RLF: variants seen among roughly 807,000 people sequenced by gnomAD.
The protein encoded by RLF is zinc finger protein Rlf.
A neutral mutation model predicts 162.9 loss-of-function variants in RLF; 7 were observed. The ratio of observed to expected loss-of-function variants is 0.04; its 90% CI spans 0.02 to 0.08. The LOEUF is 0.08. RLF is among the 10% of genes least tolerant of loss of function. The probability of loss-of-function intolerance (pLI) is 1.00; values close to 1 mark genes in which losing one functional copy is unlikely to be tolerated. For missense variants in RLF, 1,664 were observed against 2,244.7 expected (o/e 0.74, Z 5.23); for synonymous variants, 782 against 791.5 (o/e 0.99, Z 0.20).
At chr1:40,195,808 C>T (rs61780457) in intron 4 of RLF, 44 bp downstream of exon 4, 7 of 1,559,004 alleles carry the variant, frequency 4.5e-6, no homozygotes, top group Non-Finnish European at 6.1e-6. Flanking sequence ...GTTCTGAGAA[C>T]GTTGGAATTG....
intron 3 of RLF, among the ~76,000 whole-genome samples, chr1:40,191,531 C>T (rs1642556979): frequency 1.3e-5 from 2 of 149,410 alleles, no homozygotes; most frequent in Non-Finnish European, 3.0e-5. Flanking sequence ...GAGTGAGACT[C>T]TGTCTCGGAA....
intron 1 of RLF, among the ~76,000 whole-genome samples, chr1:40,166,580 A>G (rs1001500057): frequency 6.6e-6 from 1 of 152,064 alleles, no homozygotes; most frequent in African/African-American, 2.4e-5. Context: ...CACTATTCAC[A>G]ATAGCAAAGA....
chr1:40,172,832 C>T (rs1404269062), intron 1 of RLF, among the ~76,000 whole-genome samples: 1 of 152,076 alleles, frequency 6.6e-6, no homozygotes, highest in Non-Finnish European at 1.5e-5. Flanking sequence ...GTACTCTATC[C>T]TGGGCAACAG....
chr1:40,202,943 AT>A (rs1221830350), intron 5 of RLF, among the ~76,000 whole-genome samples: 2 of 152,032 alleles, frequency 1.3e-5, no homozygotes, highest in Admixed American at 1.3e-4. Flanking sequence ...GAAGTTGTTA[AT>A]CATGGCATCA....
At chr1:40,214,816 A>G (rs79346249) in intron 5 of RLF, among the ~76,000 whole-genome samples, 1 of 146,216 alleles carries the variant, frequency 6.8e-6, no homozygotes, top group Non-Finnish European at 1.5e-5. Flanking sequence ...CCAGCTATTC[A>G]TGAGACTGAG....
chr1:40,198,034 G>A (rs973554849), intron 4 of RLF, among the ~76,000 whole-genome samples: 4 of 151,782 alleles, frequency 2.6e-5, no homozygotes, highest in Non-Finnish European at 4.4e-5. Context: ...ATGGAGTTTC[G>A]CTCTTATTAC....
At chr1:40,186,628 T>C (rs1260147370) in intron 1 of RLF, among the ~76,000 whole-genome samples, 1 of 152,210 alleles carries the variant, frequency 6.6e-6, no homozygotes, top group East Asian at 1.9e-4. Flanking sequence ...TAGTTAGCAG[T>C]TGGTTAATTT....
intron 5 of RLF, among the ~76,000 whole-genome samples, chr1:40,215,301 A>T (rs963797279): frequency 4.6e-5 from 7 of 152,214 alleles, no homozygotes; most frequent in Admixed American, 1.3e-4. Flanking sequence ...AGACATCTAT[A>T]GACTACTCCA....
intron 5 of RLF, among the ~76,000 whole-genome samples, chr1:40,205,588 C>T (rs1307363564): frequency 2.0e-5 from 3 of 147,494 alleles, no homozygotes; most frequent in Non-Finnish European, 4.4e-5. Context: ...CTCCCAGGTT[C>T]ACGCCATTCT....
intron 1 of RLF, among the ~76,000 whole-genome samples, chr1:40,176,088 A>G (rs1187081909): frequency 3.3e-5 from 5 of 152,174 alleles, no homozygotes; most frequent in Admixed American, 3.3e-4. Flanking sequence ...TCAGTAGTTT[A>G]TTTTATTGAT....
At chr1:40,221,917 A>AAAAAAAAAAAAAAAAAAAAGAG (rs1486982312) in intron 5 of RLF, among the ~76,000 whole-genome samples, 16 of 150,272 alleles carry the variant, frequency 1.1e-4, no homozygotes, top group African/African-American at 4.0e-4. Flanking sequence ...AAAAAAAAAA[A>AAAAAAAAAAAAAAAAAAAAGAG]AGAGAAAGGA....
intron 2 of RLF, among the ~76,000 whole-genome samples, chr1:40,189,792 G>C (rs1325965801): frequency 1.9e-4 from 28 of 151,190 alleles, no homozygotes; most frequent in Admixed American, 1.8e-3. Context: ...GTGGAGTGGA[G>C]ACTGTCTCAA....
chr1:40,223,251 G>A (rs1643020236), intron 6 of RLF, among the ~76,000 whole-genome samples: 1 of 152,152 alleles, frequency 6.6e-6, no homozygotes, highest in African/African-American at 2.4e-5. Flanking sequence ...GAAACAGTAA[G>A]TGTATCCGTG....
intron 4 of RLF, among the ~76,000 whole-genome samples, chr1:40,201,625 CAAA>C (rs35897680): frequency 0.063 from 5,740 of 91,478 alleles, 395 homozygotes; most frequent in African/African-American, 0.2. Flanking sequence ...GACTTCATCT[CAAA>C]AAAAAAAAAA....
At position 40,178,480 on chromosome 1, in the gene RLF, G is replaced by C. The variant is rs1374905367; in HGVS notation, c.238-10575G>C. On this transcript the variant is annotated intron_variant, in intron 1 of 7. Transcript: ENST00000372771. ...ACAGGAGTTCAGTGGGTAGACGTTCGAGTGGCAGCACAACAATGTAACAAT... is the reference window on the plus strand; with the variant it reads ...ACAGGAGTTCAGTGGGTAGACGTTCCAGTGGCAGCACAACAATGTAACAAT... Among the ~76,000 whole-genome samples, 3 of 152,030 alleles carry C rather than the reference G, an allele frequency of 2.0e-5. No individual in the cohort carries two copies. The East Asian group carries it at 5.8e-4, about 29-fold the overall frequency.
In RLF at chr1:40,161,626, G is replaced by A; in HGVS notation, c.227G>A (p.Ser76Asn). 1.2e-6 allele frequency: 2 copies of A among 1,612,288 alleles called. No individual in the cohort carries two copies. Among genetic ancestry groups the A allele is most frequent in the Non-Finnish European group, 1.7e-6 (2 of 1,179,368 alleles). ...GTCTCATCTTTGAACTACTGCCGGA[G>A]CTTCTGCCAGGTGAGGGGCTGACTG... is the stretch of plus-strand genomic sequence containing the variant. ...SEVSSLNYCR[S>N]FCQTLLQYAS... Residue 76 changes from serine (S) to asparagine (N), a missense_variant, in exon 1 of 8, where the codon AGC becomes AAC. Coordinates refer to ENST00000372771, the MANE Select transcript of RLF (RefSeq NM_012421.4). The surrounding 1 kb of genome is among the most constrained non-coding windows in gnomAD (Gnocchi z 4.4).
At chr1:40,173,568 C>T (rs1201086685) in intron 1 of RLF, among the ~76,000 whole-genome samples, 5 of 148,382 alleles carry the variant, frequency 3.4e-5, no homozygotes, top group Non-Finnish European at 7.4e-5. Flanking sequence ...GGCTGTAGTG[C>T]AGTGTTACAA....
At position 40,240,264 on chromosome 1, in the gene RLF, T is replaced by A. The variant is rs1471761785; in HGVS notation, c.5562T>A (p.Val1854=). Residue 1854 remains valine (V), a synonymous_variant, in exon 8 of 8, where the codon GTT becomes GTA. Coordinates refer to ENST00000372771, the MANE Select transcript of RLF (RefSeq NM_012421.4). The part of the protein sequence containing the change: ...PPLIVAETTT[V]PSLENLRVVL... ...TAATAGTAGCTGAAACAACAACAGTTCCTTCCTTGGAAAACCTGAGGGTTG... is the reference window on the plus strand; with the variant it reads ...TAATAGTAGCTGAAACAACAACAGTACCTTCCTTGGAAAACCTGAGGGTTG... 6.2e-7 allele frequency: 1 copy of A among 1,614,050 alleles called. No homozygotes were observed. Among genetic ancestry groups the A allele is most frequent in the Non-Finnish European group, 8.5e-7 (1 of 1,180,030 alleles).
At chr1:40,216,494 A>G (rs1424652592) in intron 5 of RLF, among the ~76,000 whole-genome samples, 1 of 150,316 alleles carries the variant, frequency 6.7e-6, no homozygotes, top group Admixed American at 6.7e-5. Flanking sequence ...GTCTAAAAAA[A>G]AAAAAAAGAG....
Sources: gnomAD v4.1 joint callset for allele counts (sites outside exome capture counted in the v4.1 genomes callset) on GRCh38, gnomAD v4.1.1 for gene constraint, Gnocchi (gnomAD v3.1) non-coding constraint, MANE v1.5 for transcripts, NCBI Gene and HGNC (gene_info 2026-07-23, HGNC 2026-07-21) for gene names.